Variants in BLMH observed in about 807,000 individuals in gnomAD.
The protein encoded by BLMH is BLM hydrolase.
In BLMH, 32 loss-of-function variants were observed where a neutral mutation model predicts 61.6. That is an observed-to-expected ratio of 0.52 (90% CI 0.39 to 0.70). The LOEUF (loss-of-function observed/expected upper bound fraction) is 0.70. BLMH is among the 30% of genes least tolerant of loss of function. The probability of loss-of-function intolerance (pLI) is 0.00; values close to 1 mark genes in which losing one functional copy is unlikely to be tolerated. For synonymous variants in BLMH, 183 were observed against 193.8 expected, an observed-to-expected ratio of 0.94 and a Z score of 0.46; for missense variants, 460 against 555.5, an observed-to-expected ratio of 0.83 and a Z score of 1.73.
At chr17:30,273,122 C>G (rs1003658160) in intron 7 of BLMH, 1 of 482,690 alleles carries the variant, frequency 2.1e-6, no homozygotes, top group African/African-American at 2.0e-5. Flanking sequence ...TTAGGAGGTG[C>G]ATCTACCTGT....
At chr17:30,287,971 A>C (rs1374688824) in intron 3 of BLMH, 24 bp from the exon 4 acceptor site, 3 of 1,594,714 alleles carry the variant, frequency 1.9e-6, no homozygotes, top group Non-Finnish European at 1.7e-6. Flanking sequence ...AAAGTTAAAT[A>C]ACATTAAAAG....
intron 11 of BLMH, among the ~76,000 whole-genome samples, chr17:30,255,157 T>C (rs1907780142): frequency 6.6e-6 from 1 of 152,204 alleles, no homozygotes; most frequent in Admixed American, 6.5e-5. Flanking sequence ...AATGACATTC[T>C]GGTCAACAAT....
chr17:30,278,474 T>A (rs1408271750), intron 6 of BLMH, among the ~76,000 whole-genome samples: 2 of 152,204 alleles, frequency 1.3e-5, no homozygotes, highest in Non-Finnish European at 2.9e-5. Context: ...GTACTTCACA[T>A]CTTTTTTCCT....
At chr17:30,256,131 C>T (rs1461224259) in intron 11 of BLMH, among the ~76,000 whole-genome samples, 1 of 152,192 alleles carries the variant, frequency 6.6e-6, no homozygotes, top group East Asian at 1.9e-4. Context: ...AAGCAATCCT[C>T]CTGTTTTGGC....
In BLMH at chr17:30,291,884, C is replaced by T. The variant is rs1908905290; in HGVS notation, c.-65G>A. ...GGTCCTTGGGCGAGCGCCGGGATTG[C>T]GCTGCGGCTCGCTGCCTAGGGGGCC... On this transcript the variant is annotated 5_prime_UTR_variant, in exon 1 of 12. Transcript: ENST00000261714. 3 of 1,268,486 alleles carry T rather than the reference C, an allele frequency of 2.4e-6. No homozygotes were observed. The highest frequency in any genetic ancestry group is 2.0e-6 in the Non-Finnish European group (2 of 1,008,226). The allele number at this position is 1,268,486 out of a possible 1,614,324, so 78.6% of individuals were successfully genotyped here.
intron 2 of BLMH, among the ~76,000 whole-genome samples, chr17:30,289,943 A>C (rs572959743): frequency 3.6e-4 from 55 of 152,346 alleles, no homozygotes; most frequent in South Asian, 1.4e-3. Flanking sequence ...GGTAGCTTAC[A>C]TAACAATGTA....
chr17:30,290,371 T>C (rs1394017333), intron 2 of BLMH, among the ~76,000 whole-genome samples: 1 of 152,244 alleles, frequency 6.6e-6, no homozygotes, highest in Non-Finnish European at 1.5e-5. Flanking sequence ...GTGACATTAC[T>C]AACTGGATCA....
intron 11 of BLMH, among the ~76,000 whole-genome samples, chr17:30,251,896 A>G (rs539089998): frequency 1.2e-4 from 19 of 152,358 alleles, no homozygotes; most frequent in Admixed American, 7.8e-4. Context: ...TAAAAATATT[A>G]ATTCATTTAA....
At chr17:30,270,597 T>C (rs765443277) in intron 10 of BLMH, among the ~76,000 whole-genome samples, 38 of 152,302 alleles carry the variant, frequency 2.5e-4, no homozygotes, top group Non-Finnish European at 5.4e-4. Flanking sequence ...TATTTTTGCT[T>C]GTGGTGGTAA....
In BLMH at chr17:30,291,524, A is replaced by G. The variant is rs1908888450; in HGVS notation, c.14-16T>C. The G allele has an allele frequency of 3.1e-6, 5 of 1,611,910 alleles. No individual in the cohort carries two copies. The South Asian group carries it at 4.4e-5, about 14-fold the overall frequency. ...GAATTCAGTCCTGTTGGGAGACCAA[A>G]CAGGATTTTAACGCAAAAAGAGGGG... is the stretch of plus-strand genomic sequence containing the variant. On this transcript the variant is annotated splice_polypyrimidine_tract_variant and intron_variant, in intron 1 of 11. Coordinates refer to ENST00000261714, the MANE Select transcript of BLMH (RefSeq NM_000386.4).
intron 11 of BLMH, among the ~76,000 whole-genome samples, chr17:30,253,023 C>T (rs1296730441): frequency 6.6e-6 from 1 of 152,144 alleles, no homozygotes; most frequent in Non-Finnish European, 1.5e-5. Context: ...TAAGCATCTG[C>T]CTTCCCAAAA....
intron 10 of BLMH, among the ~76,000 whole-genome samples, chr17:30,270,908 G>A (rs903848957): frequency 2.0e-5 from 3 of 152,184 alleles, no homozygotes; most frequent in Admixed American, 1.3e-4. Context: ...AGGGAAATCT[G>A]AACATAGGTC....
chr17:30,291,716 G>A (rs976198311), intron 1 of BLMH, 91 bp downstream of exon 1: 2 of 1,413,574 alleles, frequency 1.4e-6, no homozygotes, highest in African/African-American at 1.4e-5. Flanking sequence ...CATCGCCAAG[G>A]GTCCCAGCCC....
intron 4 of BLMH, 142 bp downstream of exon 4, chr17:30,287,664 T>C (rs538674181): frequency 3.7e-5 from 35 of 936,178 alleles, no homozygotes; most frequent in Non-Finnish European, 4.5e-5. Flanking sequence ...GAATGTGAAC[T>C]AAAGGTCCTT....
intron 6 of BLMH, among the ~76,000 whole-genome samples, chr17:30,275,209 C>A (rs772074472): frequency 6.6e-6 from 1 of 151,386 alleles, no homozygotes; most frequent in Non-Finnish European, 1.5e-5. Context: ...AGAGTGAGGA[C>A]CCTGTCTCAA....
At chr17:30,285,615 G>T (rs1178931526) in intron 5 of BLMH, 135 bp from the exon 6 acceptor site, 2 of 562,266 alleles carry the variant, frequency 3.6e-6, no homozygotes, top group Non-Finnish European at 5.8e-6. Context: ...AGGCAAATGT[G>T]TTTTTCTTCA....
At chr17:30,289,504 A>G (rs369336341) in intron 2 of BLMH, 22 bp from the exon 3 acceptor site, 252 of 1,559,096 alleles carry the variant, frequency 1.6e-4, no homozygotes, top group Non-Finnish European at 2.1e-4. Flanking sequence ...AAGCACATCA[A>G]GAAATTATGA....
chr17:30,248,703 A>T lies in BLMH; in HGVS notation c.*314T>A, dbSNP rs745747679. On this transcript the variant is annotated 3_prime_UTR_variant, in exon 12 of 12. Coordinates refer to ENST00000261714, the MANE Select transcript of BLMH (RefSeq NM_000386.4). ...TCGTCCTCTCGTCTTATTAAAACAC[A>T]GACACAGAACCAAACTTTTTGACAG... 13 of 289,612 alleles carry T rather than the reference A, an allele frequency of 4.5e-5. No individual in the cohort carries two copies. The highest frequency in any genetic ancestry group is 9.6e-5 in the Admixed American group (2 of 20,856). 17.9% of individuals were successfully genotyped at this position (289,612 alleles called of 1,614,324 possible). A position where few individuals can be genotyped will look rare whatever the true frequency, so the allele number is the denominator to read the frequency against.
Position 30,272,827 on chromosome 17 carries a change from T to C in BLMH, c.874A>G (p.Met292Val). The C allele has an allele frequency of 1.9e-6, 3 of 1,614,142 alleles. No individual in the cohort carries two copies. Among genetic ancestry groups the C allele is most frequent in the Non-Finnish European group, 2.5e-6 (3 of 1,180,018 alleles). Reference sequence around the variant, plus strand: ...TATAGAGTTTTTCTCCCTCCAACCATATTGCTTAAGTATTCCACTGTGTAA... The same window carrying C: ...TATAGAGTTTTTCTCCCTCCAACCACATTGCTTAAGTATTCCACTGTGTAA... Reference protein sequence around the residue: ...KLYTVEYLSNMVGGRKTLYNN... With the variant: ...KLYTVEYLSNVVGGRKTLYNN... The change falls in exon 8 of 12, where the codon ATG (methionine) becomes GTG (valine). Residue 292 changes from methionine to valine, a missense_variant. By Grantham distance (21) the Met-to-Val change is conservative. This residue lies in a region of BLMH where 310 missense variants were observed against 371.1 expected (regional missense o/e 0.84). Transcript: ENST00000261714.
Sources: allele counts gnomAD v4.1 joint callset (sites outside exome capture counted in the v4.1 genomes callset), GRCh38; gene constraint gnomAD v4.1.1; regional missense constraint gnomAD v4.1.1; transcripts MANE v1.5; gene names NCBI Gene and HGNC (gene_info 2026-07-23, HGNC 2026-07-21).